The following BTK variants were observed in gnomAD, a reference collection of about 807,000 sequenced individuals.
The protein encoded by BTK is Bruton tyrosine kinase, also known as tyrosine-protein kinase BTK.
Under a neutral mutation model 57.4 loss-of-function variants are expected in BTK, and 5 were observed. That is an observed-to-expected ratio of 0.09 (90% CI 0.05 to 0.18). The LOEUF is 0.18. BTK is among the 10% of genes least tolerant of loss of function. The probability of loss-of-function intolerance (pLI) is 1.00; values close to 1 mark genes in which losing one functional copy is unlikely to be tolerated. For missense variants in BTK, 194 were observed against 501.2 expected (o/e 0.39, Z 5.85); for synonymous variants, 154 against 174.3 (o/e 0.88, Z 0.92).
At position 101,376,404 on chromosome X, in the gene BTK, G is replaced by A. The variant is rs970811177; in HGVS notation, c.-30-1090C>T. Among the ~76,000 whole-genome samples, 18 of 111,963 alleles carry A rather than the reference G, an allele frequency of 1.6e-4. No homozygotes were observed. In the Admixed American group the frequency reaches 1.7e-3, roughly 11 times the overall value. Reference sequence around the variant, plus strand: ...GCACTTTGGGAGGCCGAGGCTGGCGGATCACCTGAGGTCAACAGTTCAAGA... The same window carrying A: ...GCACTTTGGGAGGCCGAGGCTGGCGAATCACCTGAGGTCAACAGTTCAAGA... On this transcript the variant is annotated intron_variant, in intron 1 of 18. Transcript: ENST00000308731.
At position 101,353,302 on chromosome X, in the gene BTK, T is replaced by C. The variant is rs1926357397; in HGVS notation, c.1800A>G (p.Arg600=). The change falls in exon 18 of 19, where the codon AGA becomes AGG. Residue 600 remains arginine (R), a synonymous_variant. Transcript: ENST00000308731. ...IYSLGKMPYE[R]FTNSETAEHI... ...GTTCAGCAGTCTCACTGTTAGTAAA[T>C]CTCTCATATGGCATCTTCCCCAGGG... 8.3e-7 allele frequency: 1 copy of C among 1,208,470 alleles called. No homozygotes were observed. The highest frequency in any genetic ancestry group is 1.1e-6 in the Non-Finnish European group (1 of 894,556).
chrX:101,363,886 A>ACAT (rs1313772429), intron 5 of BTK, among the ~76,000 whole-genome samples: 3 of 73,449 alleles, frequency 4.1e-5, no homozygotes, highest in Non-Finnish European at 7.5e-5. Flanking sequence ...AGAATCCCGC[A>ACAT]CATTATTATT....
intron 5 of BTK, among the ~76,000 whole-genome samples, chrX:101,364,159 A>G (rs1308000294): frequency 9.1e-6 from 1 of 109,461 alleles, no homozygotes; most frequent in Non-Finnish European, 1.9e-5. Flanking sequence ...CTGTAATCCC[A>G]GCACTTTGGG....
chrX:101,358,732 A>G, intron 10 of BTK, 36 bp from the exon 11 acceptor site: 1 of 1,113,029 alleles, frequency 9.0e-7, no homozygotes, highest in Non-Finnish European at 1.2e-6. Context: ...TGTAGGAGGA[A>G]GTGGTGCTCA....
At chrX:101,353,065 CAAATT>C in intron 18 of BTK, 124 bp downstream of exon 18, 2 of 660,315 alleles carry the variant, frequency 3.0e-6, no homozygotes. Flanking sequence ...GACCTTGTCT[CAAATT>C]AAAAAAAAAA....
Position 101,349,795 on chromosome X carries a change from C to T in BTK, c.*90G>A. 2 of 831,984 alleles carry T rather than the reference C, an allele frequency of 2.4e-6. No individual in the cohort carries two copies. Among genetic ancestry groups the T allele is most frequent in the Non-Finnish European group, 3.6e-6 (2 of 554,203 alleles). 68.6% of individuals were successfully genotyped at this position (831,984 alleles called of 1,213,427 possible). A position where few individuals can be genotyped will look rare whatever the true frequency, so the allele number is the denominator to read the frequency against. Reference sequence around the variant, plus strand: ...TGTATTGAGTGGGAGCACAAAGGCTCCAGGGCTCCTAAGCTTGGGATTTCC... The same window carrying T: ...TGTATTGAGTGGGAGCACAAAGGCTTCAGGGCTCCTAAGCTTGGGATTTCC... On this transcript the variant is annotated 3_prime_UTR_variant, in exon 19 of 19. Coordinates refer to ENST00000308731, the MANE Select transcript of BTK (RefSeq NM_000061.3).
In BTK at chrX:101,349,684, C is replaced by T. The variant is rs1479087995; in HGVS notation, c.*201G>A. 1.1e-5 allele frequency: 5 copies of T among 441,204 alleles called. No homozygotes were observed. The highest frequency in any genetic ancestry group is 3.5e-5 in the East Asian group (1 of 28,802). 36.4% of individuals were successfully genotyped at this position (441,204 alleles called of 1,213,427 possible). On this transcript the variant is annotated 3_prime_UTR_variant, in exon 19 of 19. Transcript: ENST00000308731. ...TAATTCTCTCGGGAAATTTCAGGCA[C>T]AATAATTTCTTGGCCTTTGCTCAGA...
intron 1 of BTK, among the ~76,000 whole-genome samples, chrX:101,381,213 G>A (rs1927410905): frequency 9.1e-6 from 1 of 110,427 alleles, no homozygotes; most frequent in Admixed American, 9.7e-5. Context: ...TCCTGTTGAT[G>A]GACATTTAGG....
rs1927550069 is a variant in BTK at position 101,384,501 on chromosome X, G to A, written c.-31+1561C>T. Among the ~76,000 whole-genome samples, 6 of 111,133 alleles carry A rather than the reference G, an allele frequency of 5.4e-5. 1 individual carries two copies. In the Admixed American group the frequency reaches 5.7e-4, roughly 11 times the overall value. On this transcript the variant is annotated intron_variant, in intron 1 of 18. Transcript: ENST00000308731. ...AATCCCAGCTACTTGGGAGGCTGAG[G>A]CAGGAGAATTGTTTGAACCCGGGAG...
intron 3 of BTK, among the ~76,000 whole-genome samples, chrX:101,374,142 G>A (rs894600189): frequency 3.6e-5 from 4 of 111,576 alleles, no homozygotes; most frequent in African/African-American, 1.3e-4. Flanking sequence ...CTCTCGCTCC[G>A]GAAAGTGAGA....
At chrX:101,360,173 G>A in intron 8 of BTK, 23 bp from the exon 9 acceptor site, 1 of 1,150,948 alleles carries the variant, frequency 8.7e-7, no homozygotes, top group Non-Finnish European at 1.2e-6. Context: ...CAATGTGGCA[G>A]TTCATCCAGC....
At chrX:101,365,657 T>C (rs1344990839) in intron 5 of BTK, among the ~76,000 whole-genome samples, 1 of 112,652 alleles carries the variant, frequency 8.9e-6, no homozygotes, top group Non-Finnish European at 1.9e-5. Flanking sequence ...GGTTAATGTC[T>C]AAAATTCTGT....
chrX:101,361,655 C>G (rs976508135), intron 7 of BTK, among the ~76,000 whole-genome samples: 1 of 111,688 alleles, frequency 9.0e-6, no homozygotes, highest in Admixed American at 9.5e-5. Context: ...TGGCTCACGC[C>G]TGTAATCCCA....
chrX:101,385,643 CCT>C (rs1555982391), intron 1 of BTK, among the ~76,000 whole-genome samples: 1 of 112,433 alleles, frequency 8.9e-6, no homozygotes, highest in Non-Finnish European at 1.9e-5. Context: ...AGAGAATCTG[CCT>C]CTTAGTATTT....
chrX:101,361,512 C>CAA (rs374694373), intron 7 of BTK, among the ~76,000 whole-genome samples: 38 of 70,637 alleles, frequency 5.4e-4, no homozygotes, highest in Admixed American at 9.3e-4. Flanking sequence ...AAGAAGGAAC[C>CAA]AAAAAAAAAA....
At chrX:101,387,991 T>C (rs1368210037), upstream of BTK, among the ~76,000 whole-genome samples, 1 of 109,981 alleles carries the variant, frequency 9.1e-6, no homozygotes, top group Non-Finnish European at 1.9e-5. Context: ...CTCAGTCTCC[T>C]GAGTAGTTGG....
At chrX:101,361,891 T>A (rs1926684922) in intron 7 of BTK, among the ~76,000 whole-genome samples, 1 of 112,404 alleles carries the variant, frequency 8.9e-6, no homozygotes, top group Non-Finnish European at 1.9e-5. Context: ...CGAGACTCCG[T>A]CTCAAAACAA....
At chrX:101,390,218 T>TA (rs1927738174), upstream of BTK, among the ~76,000 whole-genome samples, 3 of 112,156 alleles carry the variant, frequency 2.7e-5, no homozygotes, top group Admixed American at 9.4e-5. Flanking sequence ...GAAGTCTTTC[T>TA]ATGCTGGACT....
intron 1 of BTK, among the ~76,000 whole-genome samples, chrX:101,376,375 C>T (rs1453704780): frequency 8.9e-6 from 1 of 112,077 alleles, no homozygotes; most frequent in Non-Finnish European, 1.9e-5. Context: ...CATCTGTAAT[C>T]CCAGCACTTT....
Sources: allele counts gnomAD v4.1 joint callset (sites outside exome capture counted in the v4.1 genomes callset), GRCh38; gene constraint gnomAD v4.1.1; transcripts MANE v1.5; gene names NCBI Gene and HGNC (gene_info 2026-07-23, HGNC 2026-07-21).